The following QPCT variants were observed in gnomAD, a reference collection of about 807,000 sequenced individuals.
QPCT encodes glutaminyl-peptide cyclotransferase.
Under a neutral mutation model 43.4 loss-of-function variants are expected in QPCT, and 44 were observed. The observed-to-expected ratio is 1.01, with a 90% CI of 0.80 to 1.30. The LOEUF (loss-of-function observed/expected upper bound fraction) is 1.30. QPCT is among the 50% of genes most tolerant of loss of function. The pLI is 0.00. For missense variants in QPCT, 526 were observed against 436.5 expected, an observed-to-expected ratio of 1.21 and a Z score of -1.83; for synonymous variants, 168 against 168.4, an observed-to-expected ratio of 1.00 and a Z score of 0.02.
At chr2:37,370,930 A>T (rs1244736844) in intron 5 of QPCT, among the ~76,000 whole-genome samples, 1 of 152,222 alleles carries the variant, frequency 6.6e-6, no homozygotes, top group Non-Finnish European at 1.5e-5. Flanking sequence ...CAAGAATTTC[A>T]TGCTAGAAAT....
intron 1 of QPCT, among the ~76,000 whole-genome samples, chr2:37,350,562 T>A (rs1044227245): frequency 6.6e-6 from 1 of 152,198 alleles, no homozygotes; most frequent in African/African-American, 2.4e-5. Flanking sequence ...AGGAATAAAC[T>A]GGAAGTGCAT....
At chr2:37,351,807 G>A (rs1220565497) in intron 1 of QPCT, among the ~76,000 whole-genome samples, 10 of 152,072 alleles carry the variant, frequency 6.6e-5, no homozygotes, top group African/African-American at 2.4e-4. Flanking sequence ...GCTTGAACCC[G>A]GGAGGCAGAG....
rs1347337117 is a variant in QPCT at position 37,367,397 on chromosome 2, C to A, written c.712C>A (p.Leu238Met). 2 of 1,613,452 alleles carry A rather than the reference C, an allele frequency of 1.2e-6. No individual in the cohort carries two copies. Reference protein sequence around the residue: ...HPPGARGTSQLHGMDLLVLLD... With the variant: ...HPPGARGTSQMHGMDLLVLLD... Reference sequence around the variant, plus strand: ...ACCTGGAGCGAGAGGCACCAGCCAACTGCATGGCATGGTTAGTCTGGGCAA... The same window carrying A: ...ACCTGGAGCGAGAGGCACCAGCCAAATGCATGGCATGGTTAGTCTGGGCAA... Residue 238 changes from leucine to methionine, a missense_variant, in exon 4 of 7, where the codon CTG becomes ATG. Physicochemically the swap from Leu to Met is conservative, Grantham distance 15. Coordinates refer to ENST00000338415, the MANE Select transcript of QPCT (RefSeq NM_012413.4).
At chr2:37,345,087 G>A (rs910105746) in intron 1 of QPCT, among the ~76,000 whole-genome samples, 4 of 152,170 alleles carry the variant, frequency 2.6e-5, no homozygotes, top group Non-Finnish European at 4.4e-5. Flanking sequence ...TGATGTCACT[G>A]GCCTCTCCTG....
intron 3 of QPCT, among the ~76,000 whole-genome samples, chr2:37,364,929 A>G (rs978086795): frequency 1.3e-5 from 2 of 149,798 alleles, no homozygotes; most frequent in African/African-American, 2.4e-5. Context: ...ATATAATACA[A>G]TATAATATAA....
chr2:37,356,380 T>C (rs1672745607), intron 2 of QPCT, among the ~76,000 whole-genome samples: 1 of 152,168 alleles, frequency 6.6e-6, no homozygotes, highest in Admixed American at 6.5e-5. Flanking sequence ...AAAACATAGA[T>C]GTATAGCAAC....
chr2:37,352,883 C>T lies in QPCT; in HGVS notation c.215C>T (p.Pro72Leu), dbSNP rs371477578. ...GAAATGTGGCAAAATGACTTACAGC[C>T]ATTGCTGATAGAGCGATACCCGGGA... The part of the protein sequence containing the change: ...ISEMWQNDLQ[P>L]LLIERYPGSP... Residue 72 changes from proline to leucine, a missense_variant, in exon 2 of 7, where the codon CCA becomes CTA. Physicochemically the swap from Pro to Leu is moderately conservative, Grantham distance 98. Coordinates refer to ENST00000338415, the MANE Select transcript of QPCT (RefSeq NM_012413.4). 4 of 1,614,050 alleles carry T rather than the reference C, an allele frequency of 2.5e-6. No homozygotes were observed. The highest frequency in any genetic ancestry group is 3.4e-6 in the Non-Finnish European group (4 of 1,180,040).
Position 37,373,049 on chromosome 2 carries a change from G to A in QPCT, c.*222G>A. The A allele has an allele frequency of 2.6e-6, 1 of 380,980 alleles. No homozygotes were observed. Among genetic ancestry groups the A allele is most frequent in the Non-Finnish European group, 4.6e-6 (1 of 217,610 alleles). The allele number at this position is 380,980 out of a possible 1,614,324, so 23.6% of individuals were successfully genotyped here. On this transcript the variant is annotated 3_prime_UTR_variant, in exon 7 of 7. Transcript: ENST00000338415. ...ATTTTTATTTACAGATTGAAAAAGA[G>A]GGACCGTGTAAAGAAAATGGAAAAT...
At chr2:37,362,758 T>C (rs1672877616) in intron 3 of QPCT, among the ~76,000 whole-genome samples, 1 of 152,148 alleles carries the variant, frequency 6.6e-6, no homozygotes, top group Non-Finnish European at 1.5e-5. Flanking sequence ...GTTTCCTTGA[T>C]AGAATCCTAA....
At chr2:37,355,530 T>G (rs1672724337) in intron 2 of QPCT, among the ~76,000 whole-genome samples, 1 of 152,286 alleles carries the variant, frequency 6.6e-6, no homozygotes, top group East Asian at 1.9e-4. Context: ...GTGAATTAAC[T>G]TTTGTAGTTA....
chr2:37,369,622 C>T, intron 4 of QPCT, 63 bp from the exon 5 acceptor site: 2 of 1,212,232 alleles, frequency 1.6e-6, no homozygotes, highest in East Asian at 2.3e-5. Context: ...ATTGTATTTC[C>T]CTGTTGATGA....
chr2:37,358,309 T>A (rs1179792624), intron 2 of QPCT, among the ~76,000 whole-genome samples: 1 of 152,096 alleles, frequency 6.6e-6, no homozygotes, highest in African/African-American at 2.4e-5. Flanking sequence ...TGGTGGCATG[T>A]GTCTGTTATT....
chr2:37,366,155 A>C lies in QPCT; in HGVS notation c.547-1077A>C, dbSNP rs141133827. On this transcript the variant is annotated intron_variant, in intron 3 of 6. Transcript: ENST00000338415. ...AGGACCATGAAAAGGTGAAACATTC[A>C]GTAGATTAGGGGTTCCAGTGGGATT... Among the ~76,000 whole-genome samples, 537 of 150,396 alleles carry C rather than the reference A, an allele frequency of 3.6e-3. 5 individuals carry two copies. Among genetic ancestry groups the C allele is most frequent in the African/African-American group, 0.013 (517 of 41,328 alleles).
chr2:37,347,791 A>G (rs1672534520), intron 1 of QPCT, among the ~76,000 whole-genome samples: 1 of 152,214 alleles, frequency 6.6e-6, no homozygotes, highest in African/African-American at 2.4e-5. Context: ...GAATCTCATT[A>G]AATCATTCTT....
intron 5 of QPCT, among the ~76,000 whole-genome samples, chr2:37,370,140 G>A (rs1049922112): frequency 6.6e-6 from 1 of 152,048 alleles, no homozygotes; most frequent in Non-Finnish European, 1.5e-5. Context: ...AGCCAAGATG[G>A]TGCCATTGCA....
intron 4 of QPCT, among the ~76,000 whole-genome samples, 160 bp downstream of exon 4, chr2:37,367,568 C>A (rs938544845): frequency 6.6e-6 from 1 of 152,098 alleles, no homozygotes; most frequent in East Asian, 1.9e-4. Context: ...TGAGGAATCC[C>A]AGAGCTAAAA....
intron 2 of QPCT, among the ~76,000 whole-genome samples, chr2:37,357,312 G>A (rs1187202382): frequency 2.8e-5 from 4 of 144,298 alleles, no homozygotes; most frequent in Non-Finnish European, 5.9e-5. Flanking sequence ...CCCATTTTGT[G>A]GAATTTTTTT....
At chr2:37,366,833 A>G (rs947571930) in intron 3 of QPCT, among the ~76,000 whole-genome samples, 40 of 152,116 alleles carry the variant, frequency 2.6e-4, no homozygotes, top group African/African-American at 9.4e-4. Flanking sequence ...GATGTGGGAC[A>G]CTCCCAGGAG....
At chr2:37,357,547 A>G (rs923534633) in intron 2 of QPCT, among the ~76,000 whole-genome samples, 11 of 152,200 alleles carry the variant, frequency 7.2e-5, no homozygotes, top group Non-Finnish European at 1.3e-4. Context: ...ATGAATGCTG[A>G]TTTCAAAAAA....
Sources: allele counts gnomAD v4.1 joint callset (sites outside exome capture counted in the v4.1 genomes callset), GRCh38; gene constraint gnomAD v4.1.1; transcripts MANE v1.5; gene names NCBI Gene and HGNC (gene_info 2026-07-23, HGNC 2026-07-21).